Variants in FYB1 observed in about 807,000 individuals in gnomAD.
FYB1 encodes the protein FYN binding protein 1.
A neutral mutation model predicts 94.1 loss-of-function variants in FYB1; 41 were observed. That is an observed-to-expected ratio of 0.44 (90% CI 0.34 to 0.57). FYB1 has a LOEUF of 0.57. Ranked by LOEUF, FYB1 falls within the 20% of genes least tolerant of loss-of-function variation. The pLI is 0.02. For missense variants in FYB1, 1,050 were observed against 976.8 expected (o/e 1.07, Z -1.00); for synonymous variants, 367 against 353.2 (o/e 1.04, Z -0.44).
At chr5:39,203,033 C>T (rs748494755) in intron 1 of FYB1, 46 bp from the exon 2 acceptor site, 11 of 1,549,890 alleles carry the variant, frequency 7.1e-6, no homozygotes, top group Non-Finnish European at 7.1e-6. Flanking sequence ...AAAAGTCTTA[C>T]TTGCACAGTT....
At chr5:39,117,455 C>T (rs1406696645) in intron 16 of FYB1, among the ~76,000 whole-genome samples, 1 of 152,030 alleles carries the variant, frequency 6.6e-6, no homozygotes, top group African/African-American at 2.4e-5. Context: ...CTCGCAAATC[C>T]TAGTCTGAAT....
intron 8 of FYB1, 101 bp from the exon 9 acceptor site, chr5:39,134,450 C>T (rs1407580245): frequency 2.8e-6 from 3 of 1,061,994 alleles, no homozygotes; most frequent in African/African-American, 1.6e-5. Context: ...AAACTTTCCC[C>T]TGATTTATTT....
chr5:39,255,826 C>T (rs995076599), intron 1 of FYB1, among the ~76,000 whole-genome samples: 1 of 152,116 alleles, frequency 6.6e-6, no homozygotes, highest in Admixed American at 6.5e-5. Flanking sequence ...AAGACCAATC[C>T]AGTCTCAGTG....
Position 39,243,722 on chromosome 5 carries a change from T to C in FYB1, c.-28+30681A>G, listed in dbSNP as rs1010947998. Among the ~76,000 whole-genome samples the C allele has an allele frequency of 1.6e-3, 249 of 152,334 alleles. 3 individuals carry two copies. The highest frequency in any genetic ancestry group is 0.014 in the Middle Eastern group (4 of 294). ...TGGGGATGGCATTGAATCTCTAAAT[T>C]ACCTTGGGCAGTATGGCCATTTTCA... is the stretch of plus-strand genomic sequence containing the variant. On this transcript the variant is annotated intron_variant, in intron 1 of 1. Transcript: ENST00000510188.
chr5:39,201,881 G>T lies in FYB1; in HGVS notation c.1080C>A (p.Pro360=). Residue 360 remains proline, a synonymous_variant, in exon 2 of 19, where the codon CCC becomes CCA. Transcript: ENST00000512982. ...LFTLGPPPPK[P]NRPPNVDLTK... is the part of the protein sequence containing the mutation. ...TCAGGTCAACATTTGGTGGTCTGTT[G>T]GGTTTTGGTGGAGGTGGACCCAAGG... 2 of 1,613,970 alleles carry T rather than the reference G, an allele frequency of 1.2e-6. No homozygotes were observed. Among genetic ancestry groups the T allele is most frequent in the South Asian group, 2.2e-5 (2 of 91,082 alleles).
chr5:39,131,223 G>T (rs570596772), intron 9 of FYB1, among the ~76,000 whole-genome samples: 1 of 152,008 alleles, frequency 6.6e-6, no homozygotes, highest in East Asian at 1.9e-4. Flanking sequence ...TGTTATAATT[G>T]TCTGTTTTCT....
At chr5:39,114,476 T>A (rs1739351124) in intron 16 of FYB1, among the ~76,000 whole-genome samples, 1 of 152,168 alleles carries the variant, frequency 6.6e-6, no homozygotes, top group Non-Finnish European at 1.5e-5. Context: ...CATTACGAAT[T>A]TAGGTTGAAG....
intron 16 of FYB1, among the ~76,000 whole-genome samples, chr5:39,115,393 C>T (rs1238027639): frequency 1.3e-5 from 2 of 152,040 alleles, no homozygotes; most frequent in African/African-American, 4.8e-5. Flanking sequence ...CCGTGGCTGG[C>T]CAAAACACCT....
chr5:39,134,214 A>T lies in FYB1; in HGVS notation c.1811T>A (p.Ile604Asn). 2 of 1,609,212 alleles carry T rather than the reference A, an allele frequency of 1.2e-6. No homozygotes were observed. Among genetic ancestry groups the T allele is most frequent in the South Asian group, 2.2e-5 (2 of 90,918 alleles). Reference protein sequence around the residue: ...VYDDVAEQDDISSHSQSGSGG... With the variant: ...VYDDVAEQDDNSSHSQSGSGG... ...AATACGTACTTGCACATACCTGCTAATATCATCCTGCTCTGCAACATCATC... is the reference window on the plus strand; with the variant it reads ...AATACGTACTTGCACATACCTGCTATTATCATCCTGCTCTGCAACATCATC... Residue 604 changes from isoleucine (I) to asparagine (N), a missense_variant, in exon 9 of 19, where the codon ATT (isoleucine) becomes AAT (asparagine). Physicochemically the swap from Ile to Asn is moderately radical, Grantham distance 149. Coordinates refer to ENST00000512982, the MANE Select transcript of FYB1 (RefSeq NM_001465.6).
At chr5:39,144,198 A>T (rs1742436849) in intron 3 of FYB1, among the ~76,000 whole-genome samples, 2 of 152,238 alleles carry the variant, frequency 1.3e-5, no homozygotes. Flanking sequence ...TAGCTGAAAC[A>T]TTAAGGAGTC....
intron 1 of FYB1, among the ~76,000 whole-genome samples, chr5:39,240,609 A>T (rs995738964): frequency 6.6e-6 from 1 of 152,198 alleles, no homozygotes; most frequent in Non-Finnish European, 1.5e-5. Flanking sequence ...TGAAATCAAG[A>T]CCGCAATGAG....
chr5:39,246,477 G>C (rs536668268), intron 1 of FYB1, among the ~76,000 whole-genome samples: 2 of 152,286 alleles, frequency 1.3e-5, no homozygotes, highest in Admixed American at 1.3e-4. Context: ...TCCCTTAACA[G>C]CATCCTAAAT....
At chr5:39,139,081 G>C in intron 5 of FYB1, 152 bp downstream of exon 5, 2 of 833,464 alleles carry the variant, frequency 2.4e-6, no homozygotes, top group Non-Finnish European at 3.5e-6. Flanking sequence ...AACATCTTAA[G>C]CATTTTAGAT....
intron 1 of FYB1, among the ~76,000 whole-genome samples, chr5:39,207,903 G>C (rs924532593): frequency 6.6e-6 from 1 of 152,168 alleles, no homozygotes; most frequent in Non-Finnish European, 1.5e-5. Context: ...TCCTATACGA[G>C]AGCCTCCCAC....
intron 1 of FYB1, chr5:39,269,690 T>C (rs1317479104): frequency 6.6e-6 from 1 of 152,258 alleles, no homozygotes; most frequent in Non-Finnish European, 1.5e-5. Context: ...ATGTCTGCAA[T>C]GCACAATCTC....
At chr5:39,182,287 ATGTGTGTGTGTGTGTGTG>A (rs57111701) in intron 2 of FYB1, among the ~76,000 whole-genome samples, 1,482 of 140,294 alleles carry the variant, frequency 0.011, 11 homozygotes, top group East Asian at 0.074. Context: ...GTGTGCATGC[ATGTGTGTGTGTGTGTGTG>A]TGTGTGTGTG....
intron 2 of FYB1, among the ~76,000 whole-genome samples, chr5:39,178,767 T>C (rs1745955861): frequency 6.6e-6 from 1 of 152,210 alleles, no homozygotes; most frequent in South Asian, 2.1e-4. Context: ...AAATATCACC[T>C]GGGAAATTAA....
intron 1 of FYB1, among the ~76,000 whole-genome samples, chr5:39,211,545 T>C (rs1481350615): frequency 2.6e-5 from 4 of 152,036 alleles, no homozygotes; most frequent in African/African-American, 9.7e-5. Context: ...TCCTGACCTC[T>C]TGATCCGCCT....
chr5:39,242,182 C>A (rs1054779584), intron 1 of FYB1, among the ~76,000 whole-genome samples: 1 of 151,976 alleles, frequency 6.6e-6, no homozygotes, highest in Non-Finnish European at 1.5e-5. Flanking sequence ...GGTACATATG[C>A]ACAATGTGCA....
Sources: allele counts gnomAD v4.1 joint callset (sites outside exome capture counted in the v4.1 genomes callset), GRCh38; gene constraint gnomAD v4.1.1; transcripts MANE v1.5; gene names NCBI Gene and HGNC (gene_info 2026-07-23, HGNC 2026-07-21).